Variants in ANO3 observed in about 807,000 individuals in gnomAD.
The protein encoded by ANO3 is anoctamin 3, also known as anoctamin-3.
In ANO3, 99 loss-of-function variants were observed where a neutral mutation model predicts 144.8. The observed-to-expected ratio is 0.68, with a 90% confidence interval of 0.58 to 0.81. The LOEUF is 0.81. Ranked by LOEUF, ANO3 falls within the 30% of genes least tolerant of loss-of-function variation. The pLI is 0.00. For missense variants in ANO3, 905 were observed against 1,202.2 expected (o/e 0.75, Z 3.66); for synonymous variants, 414 against 392.6 (o/e 1.05, Z -0.64).
chr11:26,289,497 T>G (rs1245665937), intron 1 of ANO3, among the ~76,000 whole-genome samples: 1 of 147,698 alleles, frequency 6.8e-6, no homozygotes, highest in Admixed American at 6.8e-5. Flanking sequence ...TTATTACCTT[T>G]GATTCTAAGT....
At chr11:26,252,405 T>C (rs907074342) in intron 1 of ANO3, among the ~76,000 whole-genome samples, 14 of 152,216 alleles carry the variant, frequency 9.2e-5, no homozygotes, top group African/African-American at 3.4e-4. Flanking sequence ...GAGCCTGTTA[T>C]GCAGTGAGGC....
chr11:26,622,517 G>T (rs1358196675), intron 17 of ANO3, among the ~76,000 whole-genome samples: 1 of 152,054 alleles, frequency 6.6e-6, no homozygotes, highest in Non-Finnish European at 1.5e-5. Context: ...GAGGTGGGAG[G>T]ATTACCTGAG....
rs1409223104 is a variant in ANO3 at position 26,409,122 on chromosome 11, T to A, written c.47-32796T>A. Among the ~76,000 whole-genome samples, 4 of 64,094 alleles carry A rather than the reference T, an allele frequency of 6.2e-5. No homozygotes were observed. In the Admixed American group the frequency reaches 9.4e-4, roughly 15 times the overall value. 42.0% of individuals were successfully genotyped at this position (64,094 alleles called of 152,430 possible). A position where few individuals can be genotyped will look rare whatever the true frequency, so the allele number is the denominator to read the frequency against. On this transcript the variant is annotated intron_variant, in intron 1 of 26. Transcript: ENST00000256737. ...TACACATGTACCCTAAAACTTTAAGTACAATAAAAAAAAAAAAAGAACCAG... is the reference window on the plus strand; with the variant it reads ...TACACATGTACCCTAAAACTTTAAGAACAATAAAAAAAAAAAAAGAACCAG...
At chr11:26,569,557 T>G (rs1850736929) in intron 14 of ANO3, among the ~76,000 whole-genome samples, 3 of 152,056 alleles carry the variant, frequency 2.0e-5, no homozygotes, top group South Asian at 2.1e-4. Context: ...GAAATTTTGC[T>G]GGAGTAAGGT....
chr11:26,314,221 C>T (rs74584971), intron 1 of ANO3, among the ~76,000 whole-genome samples: 3,121 of 152,206 alleles, frequency 0.021, 94 homozygotes, highest in African/African-American at 0.067. Context: ...TATTACTGCA[C>T]GGCAATCATC....
chr11:26,285,020 T>A (rs1434771249), intron 1 of ANO3, among the ~76,000 whole-genome samples: 1 of 152,246 alleles, frequency 6.6e-6, no homozygotes, highest in Non-Finnish European at 1.5e-5. Context: ...AATTTGGAAC[T>A]ATTTTGTTAA....
At chr11:26,533,245 A>C (rs1275504372) in intron 8 of ANO3, among the ~76,000 whole-genome samples, 1 of 152,192 alleles carries the variant, frequency 6.6e-6, no homozygotes, top group African/African-American at 2.4e-5. Context: ...TTTTCAAAGG[A>C]AATAGCTCTT....
intron 1 of ANO3, among the ~76,000 whole-genome samples, chr11:26,355,716 C>T (rs910185386): frequency 2.0e-5 from 3 of 151,906 alleles, no homozygotes; most frequent in African/African-American, 2.4e-5. Context: ...CCCCCCACCA[C>T]GCCTGGCTAA....
chr11:26,276,090 A>G (rs138941647), intron 1 of ANO3, among the ~76,000 whole-genome samples: 3 of 152,284 alleles, frequency 2.0e-5, no homozygotes, highest in African/African-American at 7.2e-5. Context: ...TGATGAAAGT[A>G]TGTGCATTTG....
At chr11:26,359,876 A>AT (rs1855876957) in intron 1 of ANO3, among the ~76,000 whole-genome samples, 1 of 149,384 alleles carries the variant, frequency 6.7e-6, no homozygotes, top group Admixed American at 6.7e-5. Context: ...ATGTCAGACT[A>AT]GTGTGTGTGT....
At chr11:26,481,450 A>G (rs984069291) in intron 4 of ANO3, among the ~76,000 whole-genome samples, 3 of 152,216 alleles carry the variant, frequency 2.0e-5, no homozygotes, top group African/African-American at 7.2e-5. Context: ...ACTAATTTCC[A>G]CAGGTGGGAT....
intron 4 of ANO3, among the ~76,000 whole-genome samples, chr11:26,505,851 C>T (rs1410106231): frequency 6.6e-6 from 1 of 151,684 alleles, no homozygotes; most frequent in East Asian, 1.9e-4. Flanking sequence ...GGCGTGGTGG[C>T]GGGCGCCTGT....
chr11:26,414,410 A>G (rs1230468926), intron 1 of ANO3, among the ~76,000 whole-genome samples: 2 of 152,116 alleles, frequency 1.3e-5, no homozygotes, highest in South Asian at 2.1e-4. Context: ...CTATGAAGCT[A>G]TAAAAAAGAA....
chr11:26,341,514 T>A (rs1375252526), intron 1 of ANO3, among the ~76,000 whole-genome samples: 1 of 152,198 alleles, frequency 6.6e-6, no homozygotes, highest in Non-Finnish European at 1.5e-5. Context: ...AGTATTTTGC[T>A]TATAAACCAT....
intron 6 of ANO3, among the ~76,000 whole-genome samples, chr11:26,520,354 A>G (rs1378833036): frequency 6.6e-6 from 1 of 152,170 alleles, no homozygotes. Context: ...GAGTTCTACT[A>G]TATCCAAGGA....
chr11:26,339,839 G>A (rs190305553), intron 1 of ANO3, among the ~76,000 whole-genome samples: 2 of 152,172 alleles, frequency 1.3e-5, no homozygotes, highest in Admixed American at 6.5e-5. Context: ...CTGGCTGTCC[G>A]TTTGGTTATT....
At chr11:26,561,118 C>T in intron 14 of ANO3, 3 of 1,612,794 alleles carry the variant, frequency 1.9e-6, no homozygotes, top group Non-Finnish European at 2.5e-6. Context: ...CCATCACGTG[C>T]ATTTTCTTCA....
At chr11:26,544,663 G>A (rs477380) in intron 11 of ANO3, among the ~76,000 whole-genome samples, 99,828 of 151,532 alleles carry the variant, frequency 0.66, 33,167 homozygotes, top group East Asian at 0.83. Flanking sequence ...GTCATTCAAA[G>A]CTATATGCAT....
At chr11:26,346,810 CTGTT>C (rs2133907069) in intron 1 of ANO3, among the ~76,000 whole-genome samples, 1 of 152,314 alleles carries the variant, frequency 6.6e-6, no homozygotes, top group Admixed American at 6.5e-5. Context: ...ATACAGCTCT[CTGTT>C]TGCCAATCAT....
Sources: allele counts gnomAD v4.1 joint callset (sites outside exome capture counted in the v4.1 genomes callset), GRCh38; gene constraint gnomAD v4.1.1; transcripts MANE v1.5; gene names NCBI Gene and HGNC (gene_info 2026-07-23, HGNC 2026-07-21).